Variants in NCK1 observed in about 807,000 individuals in gnomAD.
NCK1 encodes the protein NCK adaptor protein 1, also known as SH2/SH3 adapter protein NCK1.
NCK1 carries 19 observed loss-of-function variants against 36.6 expected under a neutral mutation model. The ratio of observed to expected loss-of-function variants is 0.52; its 90% CI spans 0.36 to 0.76. The LOEUF (loss-of-function observed/expected upper bound fraction) is 0.76. Ranked by LOEUF, NCK1 falls within the 30% of genes least tolerant of loss-of-function variation. The pLI is 0.00. For missense variants in NCK1, 358 were observed against 445.6 expected (o/e 0.80, Z 1.77); for synonymous variants, 165 against 156.0 (o/e 1.06, Z -0.43).
chr3:136,905,721 G>T (rs1939666429), intron 1 of NCK1, among the ~76,000 whole-genome samples: 1 of 151,884 alleles, frequency 6.6e-6, no homozygotes, highest in Non-Finnish European at 1.5e-5. Context: ...ACCTCCCTGG[G>T]CTCAGGTAAT....
At chr3:136,879,369 G>A (rs1049528384) in intron 1 of NCK1, among the ~76,000 whole-genome samples, 1 of 152,090 alleles carries the variant, frequency 6.6e-6, no homozygotes, top group Non-Finnish European at 1.5e-5. Context: ...AGAATGAGAG[G>A]CTCTATGGGT....
At chr3:136,928,404 A>G (rs3772388) in intron 2 of NCK1, 177 bp downstream of exon 2, 425,670 of 606,468 alleles carry the variant, frequency 0.7, 150,482 homozygotes, top group East Asian at 0.87. Flanking sequence ...AAGTGTTAAC[A>G]TGCAGTTTCT....
intron 1 of NCK1, among the ~76,000 whole-genome samples, chr3:136,920,037 G>T (rs1940064967): frequency 6.6e-6 from 1 of 152,120 alleles, no homozygotes; most frequent in South Asian, 2.1e-4. Context: ...AACTAACTTG[G>T]ATATGCTGTA....
intron 1 of NCK1, among the ~76,000 whole-genome samples, chr3:136,886,436 A>G (rs1034496400): frequency 1.3e-5 from 2 of 152,168 alleles, no homozygotes; most frequent in African/African-American, 4.8e-5. Flanking sequence ...ACTCATCTCT[A>G]GATTACCTAA....
At chr3:136,918,884 C>A (rs534770317) in intron 1 of NCK1, among the ~76,000 whole-genome samples, 1 of 152,126 alleles carries the variant, frequency 6.6e-6, no homozygotes, top group Non-Finnish European at 1.5e-5. Flanking sequence ...CACTAATGAC[C>A]GTGTAACCAT....
rs1304666275 is a variant in NCK1, at chr3:136,951,590, T to C, written c.*3137T>C. Among the ~76,000 whole-genome samples the C allele has an allele frequency of 6.6e-6, 1 of 152,188 alleles. No individual in the cohort carries two copies. Among genetic ancestry groups the C allele is most frequent in the African/African-American group, 2.4e-5 (1 of 41,442 alleles). On this transcript the variant is annotated 3_prime_UTR_variant, in exon 4 of 4. Coordinates refer to ENST00000481752, the MANE Select transcript of NCK1 (RefSeq NM_001291999.2). ...ATTCAAACAGTATAATAAAGTCTTC[T>C]TTCAAGTCAAAATATAGAGACGAAT...
intron 2 of NCK1, among the ~76,000 whole-genome samples, chr3:136,945,038 A>C (rs1940774685): frequency 6.6e-6 from 1 of 152,246 alleles, no homozygotes; most frequent in African/African-American, 2.4e-5. Flanking sequence ...TAAAATAAAC[A>C]TATGAGGTAA....
chr3:136,946,447 C>T lies in NCK1; in HGVS notation c.939+152C>T, dbSNP rs925198790. ...GCATAAATGTTCCAAAGCTAAAGTCCGCATTCTTTCTAGCTATCTATTTTG... is the reference window on the plus strand; with the variant it reads ...GCATAAATGTTCCAAAGCTAAAGTCTGCATTCTTTCTAGCTATCTATTTTG... On this transcript the variant is annotated intron_variant, in intron 3 of 3. Coordinates refer to ENST00000481752, the MANE Select transcript of NCK1 (RefSeq NM_001291999.2). The T allele has an allele frequency of 3.5e-5, 23 of 657,014 alleles. No homozygotes were observed. In the East Asian group the frequency reaches 4.1e-4, roughly 12 times the overall value. 40.7% of individuals were successfully genotyped at this position (657,014 alleles called of 1,614,324 possible).
intron 1 of NCK1, among the ~76,000 whole-genome samples, chr3:136,883,407 A>G (rs2108080089): frequency 6.6e-6 from 1 of 152,050 alleles, no homozygotes; most frequent in East Asian, 1.9e-4. Flanking sequence ...CTCTACTTTA[A>G]ATATTTACAT....
At chr3:136,886,172 T>C (rs1939068442) in intron 1 of NCK1, among the ~76,000 whole-genome samples, 1 of 152,208 alleles carries the variant, frequency 6.6e-6, no homozygotes. Flanking sequence ...GTATTAACAC[T>C]AATTTCTTAG....
intron 2 of NCK1, among the ~76,000 whole-genome samples, chr3:136,932,499 T>A (rs1940418034): frequency 6.6e-6 from 1 of 152,208 alleles, no homozygotes; most frequent in Non-Finnish European, 1.5e-5. Flanking sequence ...ATTTATTTCA[T>A]GTAGATGAAG....
chr3:136,876,902 A>T (rs1394757026), intron 1 of NCK1, among the ~76,000 whole-genome samples: 1 of 152,228 alleles, frequency 6.6e-6, no homozygotes, highest in Admixed American at 6.5e-5. Context: ...ATGTTTATTT[A>T]AAATGTTGCT....
chr3:136,922,790 A>G (rs1013349997), intron 1 of NCK1, among the ~76,000 whole-genome samples: 15 of 152,186 alleles, frequency 9.9e-5, no homozygotes, highest in Non-Finnish European at 1.9e-4. Context: ...AAATTATACA[A>G]ACTTTAGCTG....
chr3:136,904,443 G>A (rs566455640), intron 1 of NCK1, among the ~76,000 whole-genome samples: 55 of 152,288 alleles, frequency 3.6e-4, no homozygotes, highest in African/African-American at 1.2e-3. Context: ...GTGAGCCACC[G>A]TACCTGGCCT....
chr3:136,951,404 C>T lies in NCK1; in HGVS notation c.*2951C>T, dbSNP rs1940967571. Among the ~76,000 whole-genome samples, 1 of 152,114 alleles carries T rather than the reference C, an allele frequency of 6.6e-6. No individual in the cohort carries two copies. The highest frequency in any genetic ancestry group is 2.4e-5 in the African/African-American group (1 of 41,410). The stretch of plus-strand genomic sequence containing the variant: ...ACACAGTGCTTTAAAAAATTAATTG[C>T]CAACATTTAAAAATCAGGGAGTTTC... On this transcript the variant is annotated 3_prime_UTR_variant, in exon 4 of 4. Transcript: ENST00000481752.
chr3:136,900,034 G>GT, intron 1 of NCK1: 1 of 600,478 alleles, frequency 1.7e-6, no homozygotes, highest in East Asian at 3.0e-5. Flanking sequence ...TCGCCAAACT[G>GT]TGAGTAATTG....
In NCK1 at chr3:136,870,045, TTTTTTAA is replaced by T. The variant is rs1280938133; in HGVS notation, c.-19+7693_-19+7699del. Among the ~76,000 whole-genome samples, 13 of 106,258 alleles carry T rather than the reference TTTTTTAA, an allele frequency of 1.2e-4. 1 individual carries two copies. Among genetic ancestry groups the T allele is most frequent in the Middle Eastern group, 5.1e-3 (1 of 198 alleles). The allele number at this position is 106,258 out of a possible 152,430, so 69.7% of individuals were successfully genotyped here. A position where few individuals can be genotyped will look rare whatever the true frequency, so the allele number is the denominator to read the frequency against. On this transcript the variant is annotated intron_variant, in intron 1 of 3. Transcript: ENST00000481752. ...TCTCAAAAGTTTTTTTTTTTTTTTT[TTTTTTAA>T]AAGAATCATCCTGGCCCAGCGCAGT...
chr3:136,916,338 A>G (rs945664819), intron 1 of NCK1, among the ~76,000 whole-genome samples: 1 of 152,206 alleles, frequency 6.6e-6, no homozygotes, highest in African/African-American at 2.4e-5. Context: ...GATTAGTCAT[A>G]AGTTAAATAC....
At chr3:136,889,293 A>T (rs554708956) in intron 1 of NCK1, 66 of 175,862 alleles carry the variant, frequency 3.8e-4, no homozygotes, top group Non-Finnish European at 6.7e-4. Context: ...GAAGCCGCGG[A>T]CCCTCGCGGT....
Sources: gnomAD v4.1 joint callset for allele counts (sites outside exome capture counted in the v4.1 genomes callset) on GRCh38, gnomAD v4.1.1 for gene constraint, MANE v1.5 for transcripts, NCBI Gene and HGNC (gene_info 2026-07-23, HGNC 2026-07-21) for gene names.